SACM1L: variants seen among roughly 807,000 people sequenced by gnomAD.
The protein encoded by SACM1L is SAC1 like phosphatidylinositide phosphatase, also known as phosphatidylinositol-3-phosphatase SAC1.
SACM1L carries 32 observed loss-of-function variants against 89.5 expected under a neutral mutation model. That is an observed-to-expected ratio of 0.36 (90% CI 0.27 to 0.48). The LOEUF is 0.48. Among genes scored for constraint, SACM1L ranks in the 20% least tolerant of loss-of-function variants. SACM1L has a pLI of 0.99. For synonymous variants in SACM1L, 213 were observed against 232.8 expected (o/e 0.92, Z 0.77); for missense variants, 543 against 708.5 (o/e 0.77, Z 2.65).
Position 45,710,648 on chromosome 3 carries a change from G to A in SACM1L, c.483+1001G>A, listed in dbSNP as rs193140887. Among the ~76,000 whole-genome samples the A allele has an allele frequency of 1.1e-3, 168 of 152,016 alleles. 2 individuals carry two copies. The highest frequency in any genetic ancestry group is 2.4e-4 in the Non-Finnish European group (16 of 67,988). On this transcript the variant is annotated intron_variant, in intron 5 of 19. Coordinates refer to ENST00000389061, the MANE Select transcript of SACM1L (RefSeq NM_014016.5). ...ACACCTTAGAAGTGTTTAATGAGAA[G>A]ACAGAATTTAAAAGGTCGCTCCATC...
chr3:45,737,446 C>T, intron 14 of SACM1L, 137 bp from the exon 15 acceptor site: 1 of 869,636 alleles, frequency 1.1e-6, no homozygotes, highest in Non-Finnish European at 1.9e-6. Context: ...CTGGGGCCCC[C>T]TATAGACAAC....
chr3:45,698,149 T>G (rs1438454220), intron 1 of SACM1L, among the ~76,000 whole-genome samples: 2 of 152,140 alleles, frequency 1.3e-5, no homozygotes, highest in Non-Finnish European at 2.9e-5. Flanking sequence ...AAACATAGAA[T>G]AAAATTTATT....
chr3:45,704,624 G>A (rs1698343801), intron 2 of SACM1L, among the ~76,000 whole-genome samples: 1 of 152,166 alleles, frequency 6.6e-6, no homozygotes, highest in Admixed American at 6.5e-5. Context: ...GAGCTTTAAT[G>A]TGGGTGTATT....
At position 45,723,020 on chromosome 3, in the gene SACM1L, T is replaced by C. The variant is rs766952454; in HGVS notation, c.852+65T>C. 2.5e-5 allele frequency: 31 copies of C among 1,225,584 alleles called. No individual in the cohort carries two copies. In the Admixed American group the frequency reaches 4.3e-4, roughly 17 times the overall value. The allele number at this position is 1,225,584 out of a possible 1,614,324, so 75.9% of individuals were successfully genotyped here. A position where few individuals can be genotyped will look rare whatever the true frequency, so the allele number is the denominator to read the frequency against. ...AAGCTTAATAGCATTATAATTTGCA[T>C]GTAAAGAATGTATTTATTCCGCATA... On this transcript the variant is annotated intron_variant, in intron 10 of 19. Coordinates refer to ENST00000389061, the MANE Select transcript of SACM1L (RefSeq NM_014016.5).
chr3:45,703,652 T>C, intron 2 of SACM1L, 117 bp downstream of exon 2: 1 of 563,818 alleles, frequency 1.8e-6, no homozygotes, highest in Non-Finnish European at 3.0e-6. Flanking sequence ...GCATTCTTAT[T>C]AAAATTTTTA....
intron 1 of SACM1L, among the ~76,000 whole-genome samples, chr3:45,697,269 CTT>C (rs869095037): frequency 2.0e-4 from 18 of 92,112 alleles, no homozygotes; most frequent in East Asian, 3.3e-4. Context: ...TTTTCTTTTC[CTT>C]TTTTTTTTTT....
chr3:45,724,534 C>T (rs1453660634), intron 11 of SACM1L, among the ~76,000 whole-genome samples: 1 of 152,056 alleles, frequency 6.6e-6, no homozygotes, highest in Non-Finnish European at 1.5e-5. Flanking sequence ...TTTATGAAGT[C>T]TGGATATTTA....
chr3:45,739,850 A>G, intron 19 of SACM1L: 1 of 601,714 alleles, frequency 1.7e-6, no homozygotes, highest in East Asian at 2.8e-5. Context: ...TTTTAACCTC[A>G]GATTTTAAAA....
intron 7 of SACM1L, among the ~76,000 whole-genome samples, chr3:45,716,536 G>A (rs1020999397): frequency 1.3e-5 from 2 of 152,142 alleles, no homozygotes; most frequent in African/African-American, 4.8e-5. Flanking sequence ...AATGTGTGAG[G>A]TGGGTGGGGG....
intron 5 of SACM1L, among the ~76,000 whole-genome samples, chr3:45,711,842 T>TA (rs991510230): frequency 1.1e-4 from 17 of 152,330 alleles, no homozygotes; most frequent in Middle Eastern, 3.4e-3. Flanking sequence ...CTTTGACACT[T>TA]ACAGAGAAAT....
rs1309504505 is a variant in SACM1L, at chr3:45,689,417, G to C, written c.-49G>C. The C allele has an allele frequency of 1.3e-6, 2 of 1,558,068 alleles. No homozygotes were observed. Among genetic ancestry groups the C allele is most frequent in the Non-Finnish European group, 1.7e-6 (2 of 1,151,434 alleles). ...CGGTAGAGTTGTAGCCGAGGTGGCGGCGCGGGGCGGGGCGGGCGGAGAGAG... is the reference window on the plus strand; with the variant it reads ...CGGTAGAGTTGTAGCCGAGGTGGCGCCGCGGGGCGGGGCGGGCGGAGAGAG... On this transcript the variant is annotated 5_prime_UTR_variant, in exon 1 of 20. Transcript: ENST00000389061.
rs374184158 is a variant in SACM1L, at chr3:45,705,108, T to C, written c.131-27T>C. The C allele has an allele frequency of 5.5e-5, 83 of 1,511,188 alleles. No individual in the cohort carries two copies. In the African/African-American group the frequency reaches 1.0e-3, roughly 19 times the overall value. The allele number at this position is 1,511,188 out of a possible 1,614,324, so 93.6% of individuals were successfully genotyped here. On this transcript the variant is annotated intron_variant, in intron 2 of 19. Transcript: ENST00000389061. ...CTGTTGGTGAGCTTTTTGTATGTGA[T>C]TTTTCTTTCTTTCCTTTCTTTTAAA...
chr3:45,735,104 A>G (rs947183199), intron 13 of SACM1L, 131 bp from the exon 14 acceptor site: 32 of 881,850 alleles, frequency 3.6e-5, no homozygotes, highest in Middle Eastern at 3.0e-4. Context: ...GCCTGACCAC[A>G]CATTCCTGTC....
chr3:45,743,192 A>G (rs1206442294), intron 19 of SACM1L, among the ~76,000 whole-genome samples: 1 of 152,226 alleles, frequency 6.6e-6, no homozygotes, highest in African/African-American at 2.4e-5. Flanking sequence ...ACTAAAAGTG[A>G]TCATTATTAT....
intron 7 of SACM1L, among the ~76,000 whole-genome samples, chr3:45,716,354 C>T (rs1297572600): frequency 2.0e-5 from 3 of 152,106 alleles, no homozygotes; most frequent in Non-Finnish European, 4.4e-5. Context: ...TGCCTGTAGT[C>T]CCACCTGCTC....
At chr3:45,726,519 C>G (rs1698921403) in intron 11 of SACM1L, among the ~76,000 whole-genome samples, 1 of 152,038 alleles carries the variant, frequency 6.6e-6, no homozygotes. Flanking sequence ...ATAGTATTCT[C>G]TTAGATCCTT....
intron 5 of SACM1L, among the ~76,000 whole-genome samples, chr3:45,711,632 G>A (rs1238052485): frequency 6.6e-6 from 1 of 151,882 alleles, no homozygotes; most frequent in Non-Finnish European, 1.5e-5. Flanking sequence ...AAAAGTTAAT[G>A]TTAACATAGG....
intron 7 of SACM1L, among the ~76,000 whole-genome samples, chr3:45,718,866 C>A (rs971647991): frequency 6.6e-6 from 1 of 152,038 alleles, no homozygotes; most frequent in Non-Finnish European, 1.5e-5. Flanking sequence ...ATACCATATA[C>A]TATTATCAGT....
At chr3:45,739,485 C>T in intron 18 of SACM1L, 102 bp from the exon 19 acceptor site, 1 of 985,986 alleles carries the variant, frequency 1.0e-6, no homozygotes, top group South Asian at 1.3e-5. Flanking sequence ...TATTAGCTGA[C>T]AGATGAGTTT....
Sources: gnomAD v4.1 joint callset for allele counts (sites outside exome capture counted in the v4.1 genomes callset) on GRCh38, gnomAD v4.1.1 for gene constraint, MANE v1.5 for transcripts, NCBI Gene and HGNC (gene_info 2026-07-23, HGNC 2026-07-21) for gene names.